PPP3R1: variants seen among roughly 807,000 people sequenced by gnomAD.
PPP3R1 encodes calcineurin subunit B type 1.
PPP3R1 carries 5 observed loss-of-function variants against 22.6 expected under a neutral mutation model. The observed-to-expected ratio is 0.22, with a 90% CI of 0.12 to 0.46. The LOEUF is 0.46. PPP3R1 is among the 20% of genes least tolerant of loss of function. The pLI, the probability that PPP3R1 is intolerant of heterozygous loss-of-function variation, is 0.99. For missense variants in PPP3R1, 61 were observed against 203.2 expected, an observed-to-expected ratio of 0.30 and a Z score of 4.25; for synonymous variants, 56 against 65.2, an observed-to-expected ratio of 0.86 and a Z score of 0.68.
At chr2:68,199,293 T>C (rs751270137) in intron 2 of PPP3R1, among the ~76,000 whole-genome samples, 7 of 152,308 alleles carry the variant, frequency 4.6e-5, no homozygotes, top group East Asian at 3.9e-4. Flanking sequence ...TTTACTATTA[T>C]ATAGAAATTA....
intron 1 of PPP3R1, among the ~76,000 whole-genome samples, chr2:68,245,317 G>A (rs1049024489): frequency 2.0e-5 from 3 of 151,958 alleles, no homozygotes; most frequent in Non-Finnish European, 4.4e-5. Flanking sequence ...AGCTGAGATC[G>A]CACCACCGCA....
In PPP3R1 at chr2:68,180,923, G is replaced by T; in HGVS notation, c.*40C>A. ...TCTTGAGCAGATCTTCAGAGATGGAGAAGAAAGCAAAAGTGTTGGGTGGTA... is the reference window on the plus strand; with the variant it reads ...TCTTGAGCAGATCTTCAGAGATGGATAAGAAAGCAAAAGTGTTGGGTGGTA... On this transcript the variant is annotated 3_prime_UTR_variant, in exon 6 of 6. Coordinates refer to ENST00000234310, the MANE Select transcript of PPP3R1 (RefSeq NM_000945.4). 6.3e-7 allele frequency: 1 copy of T among 1,576,864 alleles called. No homozygotes were observed. Among genetic ancestry groups the T allele is most frequent in the South Asian group, 1.1e-5 (1 of 89,966 alleles).
chr2:68,241,707 G>A (rs1189520400), intron 1 of PPP3R1, among the ~76,000 whole-genome samples: 16 of 152,086 alleles, frequency 1.1e-4, no homozygotes, highest in Non-Finnish European at 2.2e-4. Flanking sequence ...AGCCAGGCAC[G>A]GAGGCACATG....
chr2:68,201,984 A>C (rs1235234338), intron 2 of PPP3R1, among the ~76,000 whole-genome samples: 1 of 152,192 alleles, frequency 6.6e-6, no homozygotes, highest in Non-Finnish European at 1.5e-5. Context: ...GGCAATCAGA[A>C]TGCTTTTAAA....
At chr2:68,248,473 C>T (rs1296357323) in intron 1 of PPP3R1, among the ~76,000 whole-genome samples, 5 of 152,206 alleles carry the variant, frequency 3.3e-5, no homozygotes, top group African/African-American at 4.8e-5. Context: ...CAACTTTACA[C>T]ATTCCTTCCT....
At chr2:68,232,502 A>G (rs1669936967) in intron 1 of PPP3R1, among the ~76,000 whole-genome samples, 1 of 151,898 alleles carries the variant, frequency 6.6e-6, no homozygotes, top group South Asian at 2.1e-4. Context: ...AAAGAACTGA[A>G]AGAGAAATGT....
chr2:68,246,030 T>C, intron 1 of PPP3R1, among the ~76,000 whole-genome samples: 1 of 150,850 alleles, frequency 6.6e-6, no homozygotes, highest in African/African-American at 2.4e-5. Flanking sequence ...AGATAATCTC[T>C]CCCTTTTTAC....
intron 1 of PPP3R1, among the ~76,000 whole-genome samples, chr2:68,250,266 T>C (rs1399157720): frequency 6.6e-6 from 1 of 151,928 alleles, no homozygotes; most frequent in Admixed American, 6.6e-5. Flanking sequence ...CCGTAAAATA[T>C]TTTAAAAGAC....
chr2:68,244,078 G>A (rs1195789628), intron 1 of PPP3R1, among the ~76,000 whole-genome samples: 1 of 151,202 alleles, frequency 6.6e-6, no homozygotes, highest in Admixed American at 6.6e-5. Flanking sequence ...AGAACTTTAG[G>A]GAAAAAAAAT....
chr2:68,237,384 T>TA (rs1670038276), intron 1 of PPP3R1, among the ~76,000 whole-genome samples: 1 of 152,174 alleles, frequency 6.6e-6, no homozygotes, highest in Non-Finnish European at 1.5e-5. Context: ...AACTTTTTTT[T>TA]AATTTAGAGT....
chr2:68,228,439 T>C (rs1169905982), intron 1 of PPP3R1, among the ~76,000 whole-genome samples: 1 of 152,158 alleles, frequency 6.6e-6, no homozygotes, highest in Admixed American at 6.5e-5. Flanking sequence ...AACTGGTTCA[T>C]TACTTCAAAG....
intron 1 of PPP3R1, among the ~76,000 whole-genome samples, chr2:68,249,487 T>G (rs1670297491): frequency 6.6e-6 from 1 of 152,154 alleles, no homozygotes; most frequent in Non-Finnish European, 1.5e-5. Context: ...AATTTAAAGT[T>G]CCCTTAAGAA....
At chr2:68,212,120 G>A (rs550589195) in intron 2 of PPP3R1, among the ~76,000 whole-genome samples, 3 of 151,962 alleles carry the variant, frequency 2.0e-5, no homozygotes, top group Non-Finnish European at 4.4e-5. Context: ...TCGCTCTGTC[G>A]CCCAGGCTGG....
chr2:68,228,194 G>A (rs1669822517), intron 1 of PPP3R1, among the ~76,000 whole-genome samples: 1 of 152,042 alleles, frequency 6.6e-6, no homozygotes, highest in Admixed American at 6.5e-5. Context: ...TAATTATACA[G>A]ACTAAGTTTC....
chr2:68,250,381 G>C (rs553968651), intron 1 of PPP3R1, among the ~76,000 whole-genome samples: 1 of 152,200 alleles, frequency 6.6e-6, no homozygotes, highest in Non-Finnish European at 1.5e-5. Context: ...CACCGCAAGA[G>C]AGTTACTATT....
chr2:68,246,199 T>A (rs1670234658), intron 1 of PPP3R1, among the ~76,000 whole-genome samples: 1 of 147,986 alleles, frequency 6.8e-6, no homozygotes, highest in African/African-American at 2.5e-5. Flanking sequence ...CTCAGCCTCC[T>A]AAGTAGCTGG....
chr2:68,188,425 TAA>T (rs1283939372), intron 3 of PPP3R1, 87 bp downstream of exon 3: 1 of 1,101,132 alleles, frequency 9.1e-7, no homozygotes, highest in Non-Finnish European at 1.3e-6. Context: ...ACTAGGAATA[TAA>T]GCACTTTTTT....
At chr2:68,241,761 T>C (rs766075316) in intron 1 of PPP3R1, among the ~76,000 whole-genome samples, 1 of 151,592 alleles carries the variant, frequency 6.6e-6, no homozygotes, top group South Asian at 2.1e-4. Flanking sequence ...GGAGAATCAC[T>C]TGAACATGGA....
chr2:68,206,596 TAATCCTACACAGCTTTCAA>T (rs1675130720), intron 2 of PPP3R1, among the ~76,000 whole-genome samples: 1 of 152,220 alleles, frequency 6.6e-6, no homozygotes, highest in Non-Finnish European at 1.5e-5. Flanking sequence ...ATCCACATTC[TAATCCTACACAGCTTTCAA>T]ATGTCACCCC....
Sources: allele counts gnomAD v4.1 joint callset (sites outside exome capture counted in the v4.1 genomes callset), GRCh38; gene constraint gnomAD v4.1.1; transcripts MANE v1.5; gene names NCBI Gene and HGNC (gene_info 2026-07-23, HGNC 2026-07-21).